NUDT5: variants seen among roughly 807,000 people sequenced by gnomAD.
The protein encoded by NUDT5 is nudix hydrolase 5.
A neutral mutation model predicts 34.1 loss-of-function variants in NUDT5; 21 were observed. That is an observed-to-expected ratio of 0.62 (90% confidence interval 0.44 to 0.89). The LOEUF (loss-of-function observed/expected upper bound fraction) is 0.89, where lower values mean the gene tolerates loss of function less well. NUDT5 is among the 40% of genes least tolerant of loss of function. The pLI is 0.00. For synonymous variants in NUDT5, 85 were observed against 97.6 expected, an observed-to-expected ratio of 0.87 and a Z score of 0.76; for missense variants, 249 against 274.8, an observed-to-expected ratio of 0.91 and a Z score of 0.66.
At position 12,171,517 on chromosome 10, in the gene NUDT5, A is replaced by G. The variant is rs1051916585; in HGVS notation, c.488-609T>C. Among the ~76,000 whole-genome samples the G allele has an allele frequency of 7.2e-5, 11 of 152,176 alleles. No individual in the cohort carries two copies. Among genetic ancestry groups the G allele is most frequent in the Admixed American group, 1.3e-4 (2 of 15,278 alleles). On this transcript the variant is annotated intron_variant, in intron 7 of 9. Coordinates refer to ENST00000491614, the MANE Select transcript of NUDT5 (RefSeq NM_014142.4). This position sits in a 1 kb window ranked among gnomAD's most constrained non-coding sequence, Gnocchi z 4.2. ...CTGGGTTGTTTCCACAGAGGCGGCCATGAACACAGGCACGCAAGTATATGA... is the reference window on the plus strand; with the variant it reads ...CTGGGTTGTTTCCACAGAGGCGGCCGTGAACACAGGCACGCAAGTATATGA...
At chr10:12,190,705 T>C (rs895952863) in intron 1 of NUDT5, among the ~76,000 whole-genome samples, 1 of 149,818 alleles carries the variant, frequency 6.7e-6, no homozygotes, top group African/African-American at 2.5e-5. Context: ...ACCTCCCAGG[T>C]TGAAGCAATT....
chr10:12,187,866 T>G lies in NUDT5; in HGVS notation c.-41-1534A>C, dbSNP rs1367832066. Among the ~76,000 whole-genome samples, 1 of 152,200 alleles carries G rather than the reference T, an allele frequency of 6.6e-6. No individual in the cohort carries two copies. The highest frequency in any genetic ancestry group is 1.5e-5 in the Non-Finnish European group (1 of 68,042). ...TTTCTCTGTTGTTTCTTTTAAGAAC[T>G]GTTACTTGGACCAGGCACAGTGGCT... On this transcript the variant is annotated intron_variant, in intron 1 of 9. Coordinates refer to ENST00000491614, the MANE Select transcript of NUDT5 (RefSeq NM_014142.4). The surrounding 1 kb of genome is among the most constrained non-coding windows in gnomAD (Gnocchi z 5.4).
intron 1 of NUDT5, among the ~76,000 whole-genome samples, chr10:12,189,266 C>T (rs962425143): frequency 7.9e-5 from 12 of 152,058 alleles, no homozygotes; most frequent in South Asian, 2.1e-4. Flanking sequence ...CCACTGCACC[C>T]GGCTAATTTT....
intron 1 of NUDT5, among the ~76,000 whole-genome samples, chr10:12,195,488 G>C (rs1033266724): frequency 5.9e-5 from 9 of 152,152 alleles, no homozygotes; most frequent in African/African-American, 9.7e-5. Context: ...CCTCTACCAA[G>C]CATTCTACTC....
rs556467380 is a variant in NUDT5 at position 12,168,336 on chromosome 10, A to T, written c.551-525T>A. Among the ~76,000 whole-genome samples the T allele has an allele frequency of 3.3e-5, 5 of 152,174 alleles. No individual in the cohort carries two copies. Among genetic ancestry groups the T allele is most frequent in the African/African-American group, 1.2e-4 (5 of 41,530 alleles). On this transcript the variant is annotated intron_variant, in intron 9 of 9. Coordinates refer to ENST00000491614, the MANE Select transcript of NUDT5 (RefSeq NM_014142.4). The surrounding 1 kb of genome is among the most constrained non-coding windows in gnomAD (Gnocchi z 4.8). ...ACCGCACCCAGCCAGGGATGATTTT[A>T]TGTGTGAAAACAGCAAAGTTGGAAG...
intron 1 of NUDT5, among the ~76,000 whole-genome samples, chr10:12,194,067 G>A (rs893601772): frequency 1.6e-4 from 25 of 152,168 alleles, no homozygotes; most frequent in African/African-American, 6.0e-4. Flanking sequence ...AGTAGGGACG[G>A]GGTTTCGCCA....
At position 12,181,409 on chromosome 10, in the gene NUDT5, C is replaced by T. The variant is rs1835038911; in HGVS notation, c.132-2277G>A. On this transcript the variant is annotated intron_variant, in intron 3 of 9. Coordinates refer to ENST00000491614, the MANE Select transcript of NUDT5 (RefSeq NM_014142.4). The surrounding 1 kb of genome is among the most constrained non-coding windows in gnomAD (Gnocchi z 5.0). ...CAGGTTGAGTATTCCTTACCCGAAA[C>T]GAGGGGCCGGAAGTGTTTCAGAGTT... Among the ~76,000 whole-genome samples the T allele has an allele frequency of 1.3e-5, 2 of 152,178 alleles. No homozygotes were observed. Among genetic ancestry groups the T allele is most frequent in the African/African-American group, 2.4e-5 (1 of 41,434 alleles).
chr10:12,193,294 C>T (rs1218831786), intron 1 of NUDT5, among the ~76,000 whole-genome samples: 8 of 151,912 alleles, frequency 5.3e-5, no homozygotes, highest in Non-Finnish European at 1.2e-4. Context: ...AATCTGTACA[C>T]GCTTGTTTGA....
At chr10:12,176,344 C>T (rs1426732610) in intron 5 of NUDT5, among the ~76,000 whole-genome samples, 2 of 152,216 alleles carry the variant, frequency 1.3e-5, no homozygotes, top group Non-Finnish European at 2.9e-5. Context: ...TAGTTTAGGC[C>T]TGTAATCCCA....
intron 1 of NUDT5, among the ~76,000 whole-genome samples, chr10:12,194,037 C>G (rs1835285261): frequency 6.6e-6 from 1 of 152,172 alleles, no homozygotes; most frequent in Non-Finnish European, 1.5e-5. Flanking sequence ...CCAACACGCC[C>G]GGCTAATTTT....
At chr10:12,172,379 C>T (rs1834873207) in intron 7 of NUDT5, 1 of 207,914 alleles carries the variant, frequency 4.8e-6, no homozygotes, top group East Asian at 1.2e-4. Flanking sequence ...TCCTGCCTCA[C>T]CTTCCAGAGC....
chr10:12,184,485 G>A lies in NUDT5; in HGVS notation c.131+404C>T, dbSNP rs970081679. On this transcript the variant is annotated intron_variant, in intron 3 of 9. Coordinates refer to ENST00000491614, the MANE Select transcript of NUDT5 (RefSeq NM_014142.4). ...TCCCAATTTGCATTTCCATGAGGCA[G>A]GCACGTACCTCAAAATTAGCAATGT... 1.1e-5 allele frequency: 17 copies of A among 1,551,562 alleles called. No homozygotes were observed. In the African/African-American group the frequency reaches 2.2e-4, roughly 20 times the overall value.
intron 1 of NUDT5, among the ~76,000 whole-genome samples, chr10:12,190,814 G>T (rs1835211912): frequency 6.6e-6 from 1 of 151,384 alleles, no homozygotes. Context: ...TCACCATATT[G>T]GCCAGGCTGG....
Position 12,184,897 on chromosome 10 carries a change from A to G in NUDT5, c.123T>C (p.Gly41=). The change falls in exon 3 of 10, where the codon GGT becomes GGC. Residue 41 remains glycine, a synonymous_variant. Coordinates refer to ENST00000491614, the MANE Select transcript of NUDT5 (RefSeq NM_014142.4). ...AAAAAAAAAAAGTTTACCTAGTTTTACCAGTAGGATCCATGTACGTTGTTT... is the reference window on the plus strand; with the variant it reads ...AAAAAAAAAAAGTTTACCTAGTTTTGCCAGTAGGATCCATGTACGTTGTTT... ...LEKTTYMDPT[G]KTRTWESVKR... 6.3e-7 allele frequency: 1 copy of G among 1,581,176 alleles called. No individual in the cohort carries two copies. Among genetic ancestry groups the G allele is most frequent in the Admixed American group, 1.7e-5 (1 of 57,502 alleles).
In NUDT5 at chr10:12,191,961, G is replaced by A. The variant is rs114449386; in HGVS notation, c.-42+3809C>T. On this transcript the variant is annotated intron_variant, in intron 1 of 9. Coordinates refer to ENST00000491614, the MANE Select transcript of NUDT5 (RefSeq NM_014142.4). Reference sequence around the variant, plus strand: ...TACTCAATCACCGTACCCGAATCCCGGCCATCTGCTGAGGCTGCAAAGTGA... The same window carrying A: ...TACTCAATCACCGTACCCGAATCCCAGCCATCTGCTGAGGCTGCAAAGTGA... Among the ~76,000 whole-genome samples, 834 of 152,194 alleles carry A rather than the reference G, an allele frequency of 5.5e-3. 9 individuals are homozygous for A. Among genetic ancestry groups the A allele is most frequent in the African/African-American group, 0.019 (785 of 41,516 alleles).
Position 12,181,747 on chromosome 10 carries a change from G to T in NUDT5, c.132-2615C>A, listed in dbSNP as rs1175138561. ...AAACCCCAGCACTTTGGGAGGCCAA[G>T]GTAGGAGGACTGCTTGAGTTCAGGG... On this transcript the variant is annotated intron_variant, in intron 3 of 9. Coordinates refer to ENST00000491614, the MANE Select transcript of NUDT5 (RefSeq NM_014142.4). This position sits in a 1 kb window ranked among gnomAD's most constrained non-coding sequence, Gnocchi z 5.0. Among the ~76,000 whole-genome samples, 1 of 152,098 alleles carries T rather than the reference G, an allele frequency of 6.6e-6. No individual in the cohort carries two copies. The highest frequency in any genetic ancestry group is 2.4e-5 in the African/African-American group (1 of 41,400).
intron 1 of NUDT5, among the ~76,000 whole-genome samples, chr10:12,190,191 G>C (rs543308143): frequency 2.6e-5 from 4 of 152,264 alleles, no homozygotes; most frequent in Non-Finnish European, 5.9e-5. Flanking sequence ...GCCAGCGAGT[G>C]TTCTACAATT....
intron 9 of NUDT5, 118 bp from the exon 10 acceptor site, chr10:12,167,929 G>A (rs1834746394): frequency 6.2e-6 from 9 of 1,456,898 alleles, no homozygotes; most frequent in Middle Eastern, 1.8e-4. Flanking sequence ...CTAGATGCTG[G>A]TGATAACGTT....
Position 12,170,290 on chromosome 10 carries a change from T to C in NUDT5, c.550+427A>G. 1 of 1,171,754 alleles carries C rather than the reference T, an allele frequency of 8.5e-7. No individual in the cohort carries two copies. Among genetic ancestry groups the C allele is most frequent in the Non-Finnish European group, 1.3e-6 (1 of 795,960 alleles). The allele number at this position is 1,171,754 out of a possible 1,614,324, so 72.6% of individuals were successfully genotyped here. On this transcript the variant is annotated intron_variant, in intron 9 of 9. Transcript: ENST00000491614. This position sits in a 1 kb window ranked among gnomAD's most constrained non-coding sequence, Gnocchi z 4.9. ...ATACAGGAAATACCTCAAGTATTTG[T>C]TGAAGGAGCATCATCAATTTCTCCT...
Sources: gnomAD v4.1 joint callset for allele counts (sites outside exome capture counted in the v4.1 genomes callset) on GRCh38, gnomAD v4.1.1 for gene constraint, Gnocchi (gnomAD v3.1) non-coding constraint, MANE v1.5 for transcripts, NCBI Gene and HGNC (gene_info 2026-07-23, HGNC 2026-07-21) for gene names.